CNTN4: variants seen among roughly 807,000 people sequenced by gnomAD.
The protein encoded by CNTN4 is contactin-4.
CNTN4 carries 77 observed loss-of-function variants against 122.5 expected under a neutral mutation model. That is an observed-to-expected ratio of 0.63 (90% CI 0.52 to 0.76). CNTN4 has a LOEUF of 0.76. Ranked by LOEUF, CNTN4 falls within the 30% of genes least tolerant of loss-of-function variation. CNTN4 has a pLI of 0.00. For synonymous variants in CNTN4, 512 were observed against 447.0 expected (o/e 1.15, Z -1.83); for missense variants, 1,256 against 1,259.1 (o/e 1.00, Z 0.04).
rs73807063 is a variant in CNTN4, at chr3:2,242,025, A to G, written c.-144-97153A>G. Among the ~76,000 whole-genome samples the G allele has an allele frequency of 4.9e-3, 740 of 152,306 alleles. 9 individuals are homozygous for G. The highest frequency in any genetic ancestry group is 0.017 in the African/African-American group (711 of 41,566). ...ACGAGAACAAAAAGAGCATGTCTGC[A>G]TCTGCATACATGGTCTTAGGTATTG... On this transcript the variant is annotated intron_variant, in intron 2 of 24. Coordinates refer to ENST00000418658, the MANE Select transcript of CNTN4 (RefSeq NM_175607.3).
chr3:2,560,762 G>C (rs759622273), intron 3 of CNTN4, among the ~76,000 whole-genome samples: 3 of 152,118 alleles, frequency 2.0e-5, no homozygotes, highest in Non-Finnish European at 2.9e-5. Flanking sequence ...TCCCCCAGTA[G>C]AGTAAAATAA....
At chr3:2,862,456 A>AT (rs1020846487) in intron 7 of CNTN4, among the ~76,000 whole-genome samples, 25 of 152,236 alleles carry the variant, frequency 1.6e-4, no homozygotes, top group African/African-American at 6.0e-4. Flanking sequence ...AACCAAAAAA[A>AT]CCATTGCTAG....
chr3:2,789,170 G>T (rs910185239), intron 6 of CNTN4, among the ~76,000 whole-genome samples: 25 of 152,198 alleles, frequency 1.6e-4, no homozygotes, highest in African/African-American at 6.0e-4. Context: ...TGAAATACTG[G>T]TCTCTAGAAC....
intron 3 of CNTN4, among the ~76,000 whole-genome samples, chr3:2,446,040 G>A (rs1377712560): frequency 1.3e-5 from 2 of 152,130 alleles, no homozygotes; most frequent in East Asian, 3.9e-4. Flanking sequence ...ATGACTAGAT[G>A]GACAGATGAA....
chr3:2,723,567 G>A (rs1453949073), intron 4 of CNTN4, among the ~76,000 whole-genome samples: 3 of 152,112 alleles, frequency 2.0e-5, no homozygotes, highest in Non-Finnish European at 4.4e-5. Context: ...CGGTGGAAGG[G>A]ACAAAAAGGC....
chr3:2,637,159 C>A (rs187208867), intron 4 of CNTN4, among the ~76,000 whole-genome samples: 2 of 152,040 alleles, frequency 1.3e-5, no homozygotes, highest in African/African-American at 4.8e-5. Context: ...CCAGGCTGTT[C>A]TTGAGCTCCT....
At chr3:2,388,573 A>G (rs1370229773) in intron 3 of CNTN4, among the ~76,000 whole-genome samples, 2 of 152,236 alleles carry the variant, frequency 1.3e-5, no homozygotes, top group African/African-American at 4.8e-5. Flanking sequence ...GGCTGGGCAC[A>G]GAGGCTTACG....
At position 2,592,426 on chromosome 3, in the gene CNTN4, C is replaced by G. The variant is rs568065103; in HGVS notation, c.55+20868C>G. Among the ~76,000 whole-genome samples, 4 of 152,264 alleles carry G rather than the reference C, an allele frequency of 2.6e-5. No homozygotes were observed. The East Asian group carries it at 5.8e-4, about 22-fold the overall frequency. On this transcript the variant is annotated intron_variant, in intron 4 of 24. Transcript: ENST00000418658. Reference sequence around the variant, plus strand: ...TATGGTTTGGTTCTGTGTCCCCACCCAAATCTCATCTTGTAGCTCCCATAA... The same window carrying G: ...TATGGTTTGGTTCTGTGTCCCCACCGAAATCTCATCTTGTAGCTCCCATAA...
chr3:2,915,388 A>C (rs2094342541), intron 12 of CNTN4, among the ~76,000 whole-genome samples: 1 of 152,208 alleles, frequency 6.6e-6, no homozygotes. Context: ...TTTTCATGAC[A>C]AAAACACTCA....
intron 2 of CNTN4, among the ~76,000 whole-genome samples, chr3:2,338,944 T>C (rs2044072268): frequency 6.6e-6 from 1 of 152,086 alleles, no homozygotes; most frequent in Non-Finnish European, 1.5e-5. Flanking sequence ...GTGATGACCT[T>C]CTCAAAAGTC....
chr3:2,732,325 T>C (rs1417993206), intron 4 of CNTN4, among the ~76,000 whole-genome samples: 1 of 152,154 alleles, frequency 6.6e-6, no homozygotes, highest in African/African-American at 2.4e-5. Context: ...GTAGTCAGTC[T>C]GGACTGAGGT....
chr3:2,589,872 G>T (rs1223664092), intron 4 of CNTN4, among the ~76,000 whole-genome samples: 1 of 152,196 alleles, frequency 6.6e-6, no homozygotes, highest in Non-Finnish European at 1.5e-5. Context: ...TCCCTCAGCA[G>T]ATGATCCAGA....
At chr3:2,834,540 C>G (rs149359230) in intron 7 of CNTN4, among the ~76,000 whole-genome samples, 2,615 of 152,230 alleles carry the variant, frequency 0.017, 81 homozygotes, top group African/African-American at 0.06. Context: ...GTACTCCAGC[C>G]TGGGCAACAC....
intron 12 of CNTN4, among the ~76,000 whole-genome samples, chr3:2,913,795 T>C (rs1157165902): frequency 6.6e-6 from 1 of 152,182 alleles, no homozygotes; most frequent in African/African-American, 2.4e-5. Context: ...AACAACCCTG[T>C]AGGCCAGTTG....
At chr3:2,536,759 G>A (rs997764105) in intron 3 of CNTN4, among the ~76,000 whole-genome samples, 4 of 151,916 alleles carry the variant, frequency 2.6e-5, no homozygotes, top group African/African-American at 4.8e-5. Flanking sequence ...TCAAGGCCTA[G>A]CAATTTTCCT....
intron 2 of CNTN4, among the ~76,000 whole-genome samples, chr3:2,304,472 A>T (rs1048696999): frequency 1.3e-5 from 2 of 152,146 alleles, no homozygotes; most frequent in Admixed American, 1.3e-4. Context: ...ATTTTACATG[A>T]TCCTTGACAT....
At chr3:2,590,343 G>A (rs1472869444) in intron 4 of CNTN4, among the ~76,000 whole-genome samples, 2 of 152,000 alleles carry the variant, frequency 1.3e-5, no homozygotes, top group East Asian at 1.9e-4. Context: ...TGTAACCTAC[G>A]CCTCCTGGGT....
intron 6 of CNTN4, among the ~76,000 whole-genome samples, chr3:2,785,696 A>T (rs1447287028): frequency 6.6e-6 from 1 of 152,196 alleles, no homozygotes; most frequent in Non-Finnish European, 1.5e-5. Flanking sequence ...GCAGGATTAC[A>T]TTGCATAATT....
In CNTN4 at chr3:2,117,285, T is replaced by C. The variant is rs551120811; in HGVS notation, c.-145+16646T>C. On this transcript the variant is annotated intron_variant, in intron 2 of 24. Transcript: ENST00000418658. The stretch of plus-strand genomic sequence containing the variant: ...TTTACTGGTTTATTATAAAGGATGT[T>C]ACAAAGGATACAGATGAAGAGATTC... Among the ~76,000 whole-genome samples, 289 of 152,324 alleles carry C rather than the reference T, an allele frequency of 1.9e-3. 1 individual carries two copies. The highest frequency in any genetic ancestry group is 6.7e-3 in the African/African-American group (278 of 41,580).
Sources: allele counts gnomAD v4.1 joint callset (sites outside exome capture counted in the v4.1 genomes callset), GRCh38; gene constraint gnomAD v4.1.1; transcripts MANE v1.5; gene names NCBI Gene and HGNC (gene_info 2026-07-23, HGNC 2026-07-21).